FMR1: variants seen among roughly 807,000 people sequenced by gnomAD.
FMR1 encodes FMRP translational regulator 1.
FMR1 carries 13 observed loss-of-function variants against 50.6 expected under a neutral mutation model. That is an observed-to-expected ratio of 0.26 (90% CI 0.17 to 0.41). The LOEUF (loss-of-function observed/expected upper bound fraction) is 0.41. Ranked by LOEUF, FMR1 falls within the 10% of genes least tolerant of loss-of-function variation. The pLI, the probability that FMR1 is intolerant of heterozygous loss-of-function variation, is 1.00. For synonymous variants in FMR1, 138 were observed against 164.1 expected, an observed-to-expected ratio of 0.84 and a Z score of 1.22; for missense variants, 316 against 491.3, an observed-to-expected ratio of 0.64 and a Z score of 3.37.
chrX:147,945,157 C>A, intron 15 of FMR1, 106 bp downstream of exon 15: 1 of 1,100,565 alleles, frequency 9.1e-7, no homozygotes, highest in Non-Finnish European at 1.2e-6. Flanking sequence ...TCCCATCTCT[C>A]CCGTTTTGTG....
Position 147,945,033 on chromosome X carries a change from C to T in FMR1, c.1636C>T (p.Arg546Cys). ...GGGRGQGGRG[R>C]GGGFKGNDDH... The stretch of plus-strand genomic sequence containing the variant: ...AGGAAGAGGACAAGGAGGAAGAGGA[C>T]GTGGAGGAGGCTTCAAAGGTATGGA... The change falls in exon 15 of 17, where the codon CGT becomes TGT. Residue 546 changes from arginine to cysteine, a missense_variant. Transcript: ENST00000370475. 1.7e-6 allele frequency: 2 copies of T among 1,182,656 alleles called. No individual in the cohort carries two copies. Among genetic ancestry groups the T allele is most frequent in the Non-Finnish European group, 2.3e-6 (2 of 879,248 alleles).
intron 2 of FMR1, among the ~76,000 whole-genome samples, chrX:147,923,240 A>G (rs1033446073): frequency 1.8e-5 from 2 of 112,070 alleles, no homozygotes; most frequent in Admixed American, 9.5e-5. Flanking sequence ...GCTCTGGACT[A>G]ATAATCGCAG....
In FMR1 at chrX:147,928,850, T is replaced by C. The variant is rs191290706; in HGVS notation, c.419+43T>C. The C allele has an allele frequency of 6.7e-4, 773 of 1,155,842 alleles. 2 individuals carry two copies. The highest frequency in any genetic ancestry group is 4.7e-3 in the Middle Eastern group (20 of 4,215). On this transcript the variant is annotated intron_variant, in intron 5 of 16. Coordinates refer to ENST00000370475, the MANE Select transcript of FMR1 (RefSeq NM_002024.6). ...AAATGCTGAGAACTTGGAAGTGATA[T>C]GCAATTAGTTTAGAAGAATTTCTAG...
At chrX:147,928,142 T>C (rs2043454686) in intron 3 of FMR1, 180 bp from the exon 4 acceptor site, 4 of 415,543 alleles carry the variant, frequency 9.6e-6, no homozygotes, top group Non-Finnish European at 1.7e-5. Context: ...AGTTTCTGAT[T>C]ATGTATCTCT....
chrX:147,939,943 C>T (rs1220756471), intron 12 of FMR1, among the ~76,000 whole-genome samples: 2 of 99,428 alleles, frequency 2.0e-5, no homozygotes, highest in East Asian at 6.2e-4. Flanking sequence ...GGGCGGATCA[C>T]GAGGTCAGGA....
intron 1 of FMR1, chrX:147,914,397 C>T (rs1392425120): frequency 2.7e-5 from 3 of 112,278 alleles, no homozygotes; most frequent in African/African-American, 9.7e-5. Context: ...AACTGAGTTG[C>T]TTGTCCAGTG....
At chrX:147,940,253 A>G in intron 12 of FMR1, 1 of 256,541 alleles carries the variant, frequency 3.9e-6, no homozygotes, top group South Asian at 5.3e-5. Context: ...AGCATCTTAT[A>G]CTACTCATTT....
In FMR1 at chrX:147,950,915, A is replaced by G. The variant is rs1265996160; in HGVS notation, c.*2071A>G. On this transcript the variant is annotated 3_prime_UTR_variant, in exon 17 of 17. Transcript: ENST00000370475. ...AAGGCGCTAACTTGCTTAAATGTGA[A>G]TTACTAACTTCTAAAACTGTACTTT... 1 of 289,306 alleles carries G rather than the reference A, an allele frequency of 3.5e-6. No homozygotes were observed. The highest frequency in any genetic ancestry group is 4.4e-5 in the Admixed American group (1 of 22,964). The allele number at this position is 289,306 out of a possible 1,213,427, so 23.8% of individuals were successfully genotyped here. A position where few individuals can be genotyped will look rare whatever the true frequency, so the allele number is the denominator to read the frequency against.
intron 12 of FMR1, among the ~76,000 whole-genome samples, chrX:147,938,435 G>A (rs920364764): frequency 1.1e-4 from 12 of 111,741 alleles, no homozygotes; most frequent in African/African-American, 3.9e-4. Flanking sequence ...TGAGTTCTCT[G>A]AACATTCTCG....
intron 10 of FMR1, 142 bp from the exon 11 acceptor site, chrX:147,937,324 G>A: frequency 2.2e-6 from 1 of 462,051 alleles, no homozygotes; most frequent in South Asian, 3.2e-5. Context: ...CGTACAATTT[G>A]TATTCGGTAA....
intron 7 of FMR1, among the ~76,000 whole-genome samples, chrX:147,931,577 C>T (rs1557178706): frequency 9.0e-6 from 1 of 111,582 alleles, no homozygotes; most frequent in Non-Finnish European, 1.9e-5. Context: ...TCCCATTTTT[C>T]AACATGAGCC....
intron 10 of FMR1, 94 bp downstream of exon 10, chrX:147,936,707 A>ACTTT: frequency 1.8e-6 from 1 of 546,080 alleles, no homozygotes; most frequent in Non-Finnish European, 3.3e-6. Flanking sequence ...GCATAAAGTG[A>ACTTT]ATGCAAATAT....
intron 1 of FMR1, chrX:147,912,778 G>C (rs1362137878): frequency 3.4e-6 from 1 of 296,138 alleles, no homozygotes; most frequent in Admixed American, 6.1e-5. Flanking sequence ...TGTGAAGAAA[G>C]AGTAGTAAGA....
chrX:147,929,220 A>T (rs1557178174), intron 5 of FMR1, among the ~76,000 whole-genome samples: 1 of 112,242 alleles, frequency 8.9e-6, no homozygotes, highest in African/African-American at 3.2e-5. Context: ...AGAGCCAAAG[A>T]AGCTTTAAAA....
At chrX:147,925,722 T>A in intron 3 of FMR1, 89 bp downstream of exon 3, 1 of 602,475 alleles carries the variant, frequency 1.7e-6, no homozygotes, top group Non-Finnish European at 2.8e-6. Context: ...TCTTTAACAC[T>A]GTTTAAATTA....
At chrX:147,937,647 C>G in intron 11 of FMR1, 47 bp downstream of exon 11, 1 of 641,154 alleles carries the variant, frequency 1.6e-6, no homozygotes, top group South Asian at 2.2e-5. Flanking sequence ...TAATTTGTCT[C>G]AGATGTCACA....
intron 9 of FMR1, 71 bp downstream of exon 9, chrX:147,932,834 A>G (rs1376479700): frequency 2.0e-5 from 14 of 703,426 alleles, no homozygotes; most frequent in Non-Finnish European, 2.9e-5. Flanking sequence ...TTATAGTGAT[A>G]GAATTCCATT....
chrX:147,944,645 A>G, intron 14 of FMR1: 1 of 1,044,431 alleles, frequency 9.6e-7, no homozygotes, highest in Non-Finnish European at 1.2e-6. Context: ...TAAAAATGAG[A>G]ATGAAACATG....
intron 1 of FMR1, among the ~76,000 whole-genome samples, chrX:147,918,583 A>G (rs1340415393): frequency 5.3e-5 from 1 of 18,982 alleles, no homozygotes; most frequent in Non-Finnish European, 8.1e-5. Context: ...TTTTTTTTGA[A>G]TAGCTACAGC....
Sources: allele counts gnomAD v4.1 joint callset (sites outside exome capture counted in the v4.1 genomes callset), GRCh38; gene constraint gnomAD v4.1.1; transcripts MANE v1.5; gene names NCBI Gene and HGNC (gene_info 2026-07-23, HGNC 2026-07-21).